Variants in FOXP1 observed in about 807,000 individuals in gnomAD.
FOXP1 encodes the protein forkhead box P1, also known as forkhead box protein P1.
Under a neutral mutation model 98.2 loss-of-function variants are expected in FOXP1, and 15 were observed. The observed-to-expected ratio is 0.15, with a 90% confidence interval of 0.10 to 0.24. The LOEUF (loss-of-function observed/expected upper bound fraction) is 0.24, where lower values mean the gene tolerates loss of function less well. FOXP1 is among the 10% of genes least tolerant of loss of function. FOXP1 has a pLI of 1.00. For synonymous variants in FOXP1, 371 were observed against 314.5 expected, an observed-to-expected ratio of 1.18 and a Z score of -1.90; for missense variants, 633 against 848.5, an observed-to-expected ratio of 0.75 and a Z score of 3.15.
At chr3:71,090,799 G>C (rs2055727921) in intron 7 of FOXP1, among the ~76,000 whole-genome samples, 1 of 152,046 alleles carries the variant, frequency 6.6e-6, no homozygotes, top group Admixed American at 6.5e-5. Context: ...TGTAGAATTT[G>C]CAACCCATCT....
intron 2 of FOXP1, among the ~76,000 whole-genome samples, chr3:71,508,577 G>A (rs2041989492): frequency 6.6e-6 from 1 of 152,150 alleles, no homozygotes; most frequent in South Asian, 2.1e-4. Flanking sequence ...GATCCTGAGG[G>A]CTCTGTAATA....
chr3:71,581,660 T>TCGCC lies in FOXP1; in HGVS notation c.-413_-410dup. Reference sequence around the variant, plus strand: ...CGCTGCCCCCGGCCCGCTCGCTCGCTCGCCGCGCGCTCTCTTCCTCTTACA... The same window carrying TCGCC: ...CGCTGCCCCCGGCCCGCTCGCTCGCTCGCCCGCCGCGCGCTCTCTTCCTCTTACA... On this transcript the variant is annotated 5_prime_UTR_variant, in exon 2 of 21. Transcript: ENST00000649528. 2.0e-6 allele frequency: 2 copies of TCGCC among 985,868 alleles called. No homozygotes were observed. The highest frequency in any genetic ancestry group is 1.2e-6 in the Non-Finnish European group (1 of 830,096). 61.1% of individuals were successfully genotyped at this position (985,868 alleles called of 1,614,324 possible). A position where few individuals can be genotyped will look rare whatever the true frequency, so the allele number is the denominator to read the frequency against.
intron 6 of FOXP1, among the ~76,000 whole-genome samples, chr3:71,187,798 TAGGAAGAAAAAA>T (rs772040103): frequency 3.9e-5 from 6 of 152,126 alleles, no homozygotes; most frequent in Non-Finnish European, 8.8e-5. Flanking sequence ...ATATCATCCA[TAGGAAGAAAAAA>T]ATGAGGAAAG....
chr3:71,089,044 T>C (rs2055487950), intron 7 of FOXP1, among the ~76,000 whole-genome samples: 1 of 152,132 alleles, frequency 6.6e-6, no homozygotes, highest in Non-Finnish European at 1.5e-5. Context: ...ACTGACTTGC[T>C]CTTACTCTGA....
intron 5 of FOXP1, among the ~76,000 whole-genome samples, chr3:71,199,548 G>A (rs899650956): frequency 4.7e-5 from 7 of 147,918 alleles, no homozygotes; most frequent in Non-Finnish European, 1.0e-4. Flanking sequence ...CCAACATGGT[G>A]AAACCCTGTC....
At chr3:70,991,319 T>C (rs1314314717) in intron 13 of FOXP1, among the ~76,000 whole-genome samples, 1 of 152,164 alleles carries the variant, frequency 6.6e-6, no homozygotes, top group Non-Finnish European at 1.5e-5. Context: ...TTGGCCGAAA[T>C]AGGTCATCTC....
chr3:71,272,388 A>G (rs1175781293), intron 5 of FOXP1, among the ~76,000 whole-genome samples: 1 of 152,182 alleles, frequency 6.6e-6, no homozygotes, highest in Non-Finnish European at 1.5e-5. Context: ...TATACCCAAC[A>G]GTGGTGAGCA....
intron 12 of FOXP1, among the ~76,000 whole-genome samples, chr3:71,006,267 T>TA (rs2042796846): frequency 6.6e-6 from 1 of 151,962 alleles, no homozygotes; most frequent in Admixed American, 6.6e-5. Flanking sequence ...AAAATAATAA[T>TA]AATAAAAAAA....
chr3:71,441,028 G>A (rs1466256478), intron 3 of FOXP1, among the ~76,000 whole-genome samples: 1 of 152,208 alleles, frequency 6.6e-6, no homozygotes, highest in Non-Finnish European at 1.5e-5. Flanking sequence ...AGCTATGATA[G>A]TACTTCAGGT....
rs1178049966 is a variant in FOXP1, at chr3:71,568,034, A to AAGGGGAGGGG, written c.-298+13505_-298+13514dup. 1.0e-4 allele frequency: 10 copies of AAGGGGAGGGG among 99,390 alleles called. No homozygotes were observed. The Admixed American group carries it at 1.1e-3, about 11-fold the overall frequency. The allele number at this position is 99,390 out of a possible 1,614,324, so 6.2% of individuals were successfully genotyped here. On this transcript the variant is annotated intron_variant, in intron 2 of 20. Coordinates refer to ENST00000649528, the MANE Select transcript of FOXP1 (RefSeq NM_001349338.3). ...AAGGAAGGAAGGAAGGAAAGGAGGG[A>AAGGGGAGGGG]AGGGGAGGGGAGGGGAGGGGAGGGG...
At chr3:70,971,326 C>T (rs773318094) in intron 18 of FOXP1, 17 of 171,898 alleles carry the variant, frequency 9.9e-5, no homozygotes, top group Non-Finnish European at 1.6e-4. Context: ...GTAGGGTATG[C>T]CAGGGGAGGG....
intron 9 of FOXP1, among the ~76,000 whole-genome samples, chr3:71,050,526 A>G (rs555210167): frequency 1.3e-5 from 2 of 152,352 alleles, no homozygotes; most frequent in South Asian, 4.1e-4. Context: ...ACAGGGGGTT[A>G]TTGCCTGCAA....
chr3:71,389,719 C>T (rs914618990), intron 3 of FOXP1, among the ~76,000 whole-genome samples: 2 of 152,172 alleles, frequency 1.3e-5, no homozygotes, highest in East Asian at 3.9e-4. Flanking sequence ...AACAGAGGTT[C>T]TATTTTTAAT....
intron 5 of FOXP1, among the ~76,000 whole-genome samples, chr3:71,254,852 T>A (rs1337374302): frequency 6.6e-6 from 1 of 152,164 alleles, no homozygotes; most frequent in Admixed American, 6.5e-5. Context: ...ATATCTTATA[T>A]GGAGAAAGCA....
At chr3:71,423,758 C>T (rs1408426801) in intron 3 of FOXP1, among the ~76,000 whole-genome samples, 1 of 152,186 alleles carries the variant, frequency 6.6e-6, no homozygotes, top group Non-Finnish European at 1.5e-5. Flanking sequence ...CTTCAGCAAC[C>T]CTGGCAGGGA....
rs548891182 is a variant in FOXP1 at position 71,192,832 on chromosome 3, T to C, written c.180+5370A>G. Among the ~76,000 whole-genome samples the C allele has an allele frequency of 2.6e-5, 4 of 152,248 alleles. No homozygotes were observed. The East Asian group carries it at 7.8e-4, about 30-fold the overall frequency. ...CCCTAGATAACTTTTGCATTTTTTGTAGAGACGAGGTTTTGCCATGCTGCC... is the reference window on the plus strand; with the variant it reads ...CCCTAGATAACTTTTGCATTTTTTGCAGAGACGAGGTTTTGCCATGCTGCC... On this transcript the variant is annotated intron_variant, in intron 6 of 20. Transcript: ENST00000649528.
chr3:71,413,224 C>CA (rs1491447378), intron 3 of FOXP1, among the ~76,000 whole-genome samples: 29 of 54,064 alleles, frequency 5.4e-4, no homozygotes, highest in Non-Finnish European at 8.3e-4. Context: ...CACACACACA[C>CA]CCCCCCAAAT....
intron 4 of FOXP1, among the ~76,000 whole-genome samples, chr3:71,300,671 G>A (rs1416250472): frequency 6.6e-6 from 1 of 152,142 alleles, no homozygotes; most frequent in African/African-American, 2.4e-5. Flanking sequence ...TGGCACGAGT[G>A]AAAAGAAAAA....
chr3:71,063,647 A>C (rs952057963), intron 7 of FOXP1, among the ~76,000 whole-genome samples: 4 of 152,278 alleles, frequency 2.6e-5, no homozygotes, highest in African/African-American at 9.6e-5. Flanking sequence ...TAAGCAGATT[A>C]GTCATTGATA....
Sources: gnomAD v4.1 joint callset for allele counts (sites outside exome capture counted in the v4.1 genomes callset) on GRCh38, gnomAD v4.1.1 for gene constraint, MANE v1.5 for transcripts, NCBI Gene and HGNC (gene_info 2026-07-23, HGNC 2026-07-21) for gene names.